Variants in TBC1D5 observed in about 807,000 individuals in gnomAD.
TBC1D5 encodes TBC1 domain family member 5.
A neutral mutation model predicts 100.3 loss-of-function variants in TBC1D5; 75 were observed. That is an observed-to-expected ratio of 0.75 (90% confidence interval 0.62 to 0.91). The LOEUF (loss-of-function observed/expected upper bound fraction) is 0.91, where lower values mean the gene tolerates loss of function less well. TBC1D5 is among the 40% of genes least tolerant of loss of function. The probability of loss-of-function intolerance (pLI) is 0.00; values close to 1 mark genes in which losing one functional copy is unlikely to be tolerated. For synonymous variants in TBC1D5, 323 were observed against 325.6 expected, an observed-to-expected ratio of 0.99 and a Z score of 0.09; for missense variants, 910 against 942.4, an observed-to-expected ratio of 0.97 and a Z score of 0.45.
chr3:17,195,233 TTG>T (rs1357800267), intron 18 of TBC1D5, among the ~76,000 whole-genome samples: 2 of 152,214 alleles, frequency 1.3e-5, no homozygotes, highest in African/African-American at 2.4e-5. Context: ...CATTTCTGTG[TTG>T]TGTTTTTATA....
At chr3:17,297,433 G>A (rs930132523) in intron 14 of TBC1D5, among the ~76,000 whole-genome samples, 1 of 151,978 alleles carries the variant, frequency 6.6e-6, no homozygotes, top group African/African-American at 2.4e-5. Flanking sequence ...AAAAAGAGCT[G>A]GGCATGGTGG....
chr3:17,262,144 G>A (rs2078366151), intron 15 of TBC1D5, among the ~76,000 whole-genome samples: 1 of 152,122 alleles, frequency 6.6e-6, no homozygotes, highest in South Asian at 2.1e-4. Context: ...ATCATTGTGT[G>A]AGCATCACAG....
At chr3:17,575,642 C>T (rs2096652953) in intron 2 of TBC1D5, among the ~76,000 whole-genome samples, 1 of 152,016 alleles carries the variant, frequency 6.6e-6, no homozygotes, top group African/African-American at 2.4e-5. Flanking sequence ...AAGGTTATCC[C>T]TATGATGGGG....
intron 13 of TBC1D5, among the ~76,000 whole-genome samples, chr3:17,369,608 C>T (rs571585545): frequency 3.3e-5 from 5 of 152,206 alleles, no homozygotes; most frequent in South Asian, 4.2e-4. Flanking sequence ...CTCAGACTCC[C>T]GAGCAGGGTG....
chr3:17,326,551 C>A (rs1270822435), intron 13 of TBC1D5, among the ~76,000 whole-genome samples: 1 of 152,184 alleles, frequency 6.6e-6, no homozygotes, highest in Non-Finnish European at 1.5e-5. Flanking sequence ...TGGCTTACTG[C>A]AGCCTCAACC....
intron 2 of TBC1D5, among the ~76,000 whole-genome samples, chr3:17,513,936 T>A (rs1409969357): frequency 1.3e-5 from 2 of 152,122 alleles, no homozygotes; most frequent in Non-Finnish European, 2.9e-5. Context: ...TAAAAAAACA[T>A]TTTTTATTTA....
chr3:17,647,281 C>T (rs1274016967), intron 1 of TBC1D5, among the ~76,000 whole-genome samples: 1 of 152,094 alleles, frequency 6.6e-6, no homozygotes, highest in African/African-American at 2.4e-5. Flanking sequence ...AAAGTTCCTA[C>T]CCTCATGAAG....
At chr3:17,296,438 C>T (rs749257810) in intron 14 of TBC1D5, among the ~76,000 whole-genome samples, 15 of 152,174 alleles carry the variant, frequency 9.9e-5, no homozygotes, top group Non-Finnish European at 2.1e-4. Flanking sequence ...AGCATCTTCA[C>T]CTTTATTTAA....
intron 2 of TBC1D5, among the ~76,000 whole-genome samples, chr3:17,585,074 A>G (rs1200662140): frequency 1.3e-5 from 2 of 152,170 alleles, no homozygotes; most frequent in Non-Finnish European, 2.9e-5. Flanking sequence ...TACAGGTGTG[A>G]CCCACCATGC....
intron 18 of TBC1D5, among the ~76,000 whole-genome samples, chr3:17,207,989 C>T (rs550794675): frequency 6.6e-6 from 1 of 152,314 alleles, no homozygotes; most frequent in East Asian, 1.9e-4. Context: ...GATGTCTTTG[C>T]TTTCATTTCT....
chr3:17,328,843 A>G (rs1458533844), intron 13 of TBC1D5, among the ~76,000 whole-genome samples: 1 of 152,194 alleles, frequency 6.6e-6, no homozygotes, highest in East Asian at 1.9e-4. Flanking sequence ...GGATCCATCA[A>G]TGTGGATCCA....
At chr3:17,720,052 G>A (rs542960023) in intron 1 of TBC1D5, among the ~76,000 whole-genome samples, 13 of 152,134 alleles carry the variant, frequency 8.5e-5, no homozygotes, top group Non-Finnish European at 1.6e-4. Flanking sequence ...TTTGCATCAC[G>A]AGTGTCTAAA....
exon 5 of TBC1D5, chr3:17,406,515 T>C (rs748706283): frequency 1.2e-6 from 2 of 1,611,680 alleles, no homozygotes; most frequent in South Asian, 2.2e-5. Flanking sequence ...AAATAGTTCT[T>C]CCCATTCTTT....
chr3:17,429,294 T>C (rs2149375331), intron 3 of TBC1D5, among the ~76,000 whole-genome samples: 1 of 152,048 alleles, frequency 6.6e-6, no homozygotes, highest in African/African-American at 2.4e-5. Flanking sequence ...GCCCCGTTGT[T>C]ATATATTCTT....
intron 13 of TBC1D5, among the ~76,000 whole-genome samples, chr3:17,309,881 T>TA (rs2083809781): frequency 6.6e-6 from 1 of 152,100 alleles, no homozygotes; most frequent in Admixed American, 6.5e-5. Context: ...TTTGCACTCT[T>TA]AAACGATGAA....
intron 3 of TBC1D5, among the ~76,000 whole-genome samples, chr3:17,430,990 A>G (rs898727739): frequency 6.6e-6 from 1 of 151,958 alleles, no homozygotes. Flanking sequence ...GTAACACCAG[A>G]AAACAACTTC....
chr3:17,404,702 C>T, exon 7 of TBC1D5: 1 of 1,604,676 alleles, frequency 6.2e-7, no homozygotes, highest in Non-Finnish European at 8.5e-7. Context: ...ACCCCTTCAT[C>T]CTGTGAAAGA....
intron 2 of TBC1D5, among the ~76,000 whole-genome samples, chr3:17,604,772 T>C (rs565697022): frequency 3.2e-4 from 48 of 152,270 alleles, no homozygotes; most frequent in African/African-American, 1.1e-3. Context: ...CTTCCAGGGT[T>C]CAAGCAATTC....
upstream of TBC1D5, chr3:17,740,938 T>C (rs757582946): frequency 2.2e-4 from 34 of 152,202 alleles, no homozygotes; most frequent in African/African-American, 8.0e-4. Flanking sequence ...ATATTTGCAC[T>C]CTTCCTATCC....
Sources: gnomAD v4.1 joint callset for allele counts (sites outside exome capture counted in the v4.1 genomes callset) on GRCh38, gnomAD v4.1.1 for gene constraint, MANE v1.5 for transcripts, NCBI Gene and HGNC (gene_info 2026-07-23, HGNC 2026-07-21) for gene names.